PKD1L3: variants seen among roughly 807,000 people sequenced by gnomAD.
PKD1L3 encodes the protein polycystin 1 like 3, transient receptor potential channel interacting.
PKD1L3 carries 239 observed loss-of-function variants against 184.1 expected under a neutral mutation model. That is an observed-to-expected ratio of 1.30 (90% CI 1.17 to 1.45). The LOEUF is 1.45. Ranked by LOEUF, PKD1L3 falls within the 40% of genes most tolerant of loss-of-function variation. The pLI is 0.00. For missense variants in PKD1L3, 2,660 were observed against 2,067.2 expected (o/e 1.29, Z -5.56); for synonymous variants, 996 against 778.8 (o/e 1.28, Z -4.64).
At position 71,978,296 on chromosome 16, in the gene PKD1L3, G is replaced by T. The variant is rs891687629; in HGVS notation, c.1486C>A (p.Arg496Ser). Residue 496 changes from arginine to serine, a missense_variant, in exon 10 of 30, where the codon CGT becomes AGT. Transcript: ENST00000620267. ...SIGSVLLSANRKLLQVHDLME... is the reference protein window; with the variant it reads ...SIGSVLLSANSKLLQVHDLME... The stretch of plus-strand genomic sequence containing the variant: ...AAATCATGGACTTGGAGCAATTTAC[G>T]ATTAGCGCTTAGTAACACACTTCCA... 3 of 1,550,058 alleles carry T rather than the reference G, an allele frequency of 1.9e-6. No homozygotes were observed. The highest frequency in any genetic ancestry group is 2.0e-5 in the Admixed American group (1 of 50,878).
intron 6 of PKD1L3, among the ~76,000 whole-genome samples, 188 bp downstream of exon 6, chr16:71,983,848 G>T (rs1170625430): frequency 2.0e-5 from 3 of 150,748 alleles, no homozygotes; most frequent in Middle Eastern, 3.2e-3. Flanking sequence ...TTTTTCAGTA[G>T]AGACGGGTTT....
intron 5 of PKD1L3, among the ~76,000 whole-genome samples, chr16:71,985,944 G>C (rs535653219): frequency 3.1e-4 from 47 of 152,326 alleles, no homozygotes; most frequent in African/African-American, 1.1e-3. Context: ...CTAGAGGTTT[G>C]CTGCTGCTGA....
At chr16:71,940,705 A>C (rs1195887408) in intron 24 of PKD1L3, among the ~76,000 whole-genome samples, 1 of 151,996 alleles carries the variant, frequency 6.6e-6, no homozygotes, top group African/African-American at 2.4e-5. Context: ...TTGCCAAGTT[A>C]GCCAGGCTAG....
At chr16:71,991,306 G>T (rs2143849146) in intron 3 of PKD1L3, 1 of 227,390 alleles carries the variant, frequency 4.4e-6, no homozygotes, top group South Asian at 8.2e-5. Flanking sequence ...GAGAAGACAT[G>T]GCAAGAAACC....
At chr16:71,950,069 G>A (rs1490976783) in intron 20 of PKD1L3, 49 bp downstream of exon 20, 24 of 1,548,678 alleles carry the variant, frequency 1.5e-5, no homozygotes, top group Non-Finnish European at 2.0e-5. Flanking sequence ...CTGAGATAGA[G>A]GATGAGGAAG....
In PKD1L3 at chr16:71,984,045, C is replaced by G. The variant is rs1328540346; in HGVS notation, c.957G>C (p.Lys319Asn). ...KLTALTPRFS[K>N]PAQVNLINSL... ...GTCACCCTCCACTTACCTGAGCTGG[C>G]TTAGAAAATCTTGGGGTTAAGGCTG... Residue 319 changes from lysine (K) to asparagine (N), a missense_variant, in exon 6 of 30, where the codon AAG becomes AAC. Coordinates refer to ENST00000620267, the MANE Select transcript of PKD1L3 (RefSeq NM_181536.2). 1.3e-6 allele frequency: 2 copies of G among 1,552,096 alleles called. No homozygotes were observed. Among genetic ancestry groups the G allele is most frequent in the Non-Finnish European group, 8.7e-7 (1 of 1,146,972 alleles).
Position 71,961,067 on chromosome 16 carries a change from AT to A in PKD1L3, c.2612+2137del, listed in dbSNP as rs879297705. 1.3e-3 allele frequency among the ~76,000 whole-genome samples: 194 copies of A among 149,816 alleles called. 1 individual carries two copies. In the East Asian group the frequency reaches 0.014, roughly 11 times the overall value. On this transcript the variant is annotated intron_variant, in intron 16 of 29. Transcript: ENST00000620267. ...GTTTGTTTTTTAGAGACAGGATCTC[AT>A]TTTTTTTTTCCCACTTCTTGCTGAG...
In PKD1L3 at chr16:71,949,781, A is replaced by G. The variant is rs1342884166; in HGVS notation, c.3618+2T>C. ...CAATGGTTCTTCCCATCCCTCACATACCTTTACTGGCTGGCTGATGAAGAT... is the reference window on the plus strand; with the variant it reads ...CAATGGTTCTTCCCATCCCTCACATGCCTTTACTGGCTGGCTGATGAAGAT... On this transcript the variant is annotated splice_donor_variant, in intron 21 of 29. Transcript: ENST00000620267. LOFTEE classifies it high-confidence loss of function. The G allele has an allele frequency of 6.5e-7, 1 of 1,548,784 alleles. No individual in the cohort carries two copies. The highest frequency in any genetic ancestry group is 8.7e-7 in the Non-Finnish European group (1 of 1,145,594).
At chr16:71,982,671 A>G (rs1435422682) in intron 6 of PKD1L3, among the ~76,000 whole-genome samples, 2 of 152,112 alleles carry the variant, frequency 1.3e-5, no homozygotes, top group African/African-American at 2.4e-5. Flanking sequence ...ATCATGCCTC[A>G]CTGCAGCCTC....
chr16:71,974,594 G>C (rs1408609257), intron 11 of PKD1L3, among the ~76,000 whole-genome samples: 1 of 152,212 alleles, frequency 6.6e-6, no homozygotes, highest in Non-Finnish European at 1.5e-5. Context: ...TGAGGCATGA[G>C]AATCGCTTGA....
chr16:71,979,573 C>G (rs1178038432), intron 9 of PKD1L3, among the ~76,000 whole-genome samples: 1 of 152,126 alleles, frequency 6.6e-6, no homozygotes, highest in Non-Finnish European at 1.5e-5. Context: ...TAGTTAAATC[C>G]AGAAATCTGT....
At chr16:71,954,062 G>T (rs780750340) in intron 17 of PKD1L3, 43 bp downstream of exon 17, 4 of 1,271,766 alleles carry the variant, frequency 3.1e-6, no homozygotes, top group East Asian at 5.7e-5. Context: ...AAAAAAAAAA[G>T]GATTGCTTAC....
intron 9 of PKD1L3, among the ~76,000 whole-genome samples, chr16:71,979,521 C>A (rs535374219): frequency 9.2e-5 from 14 of 152,198 alleles, no homozygotes; most frequent in African/African-American, 3.1e-4. Flanking sequence ...CAACAAAAAA[C>A]AAACTGCAGA....
In PKD1L3 at chr16:71,929,762, A is replaced by T. The variant is rs574381360; in HGVS notation, c.5059-84T>A. On this transcript the variant is annotated intron_variant, in intron 29 of 29. Coordinates refer to ENST00000620267, the MANE Select transcript of PKD1L3 (RefSeq NM_181536.2). ...AGTAAAAAAAGTACCAAAGATTTTTAAAAAATTAGTAAATGTAAAGATACT... is the reference window on the plus strand; with the variant it reads ...AGTAAAAAAAGTACCAAAGATTTTTTAAAAATTAGTAAATGTAAAGATACT... 1.3e-4 allele frequency: 171 copies of T among 1,273,972 alleles called. 1 individual carries two copies. The highest frequency in any genetic ancestry group is 4.3e-4 in the African/African-American group (28 of 65,826). The allele number at this position is 1,273,972 out of a possible 1,614,324, so 78.9% of individuals were successfully genotyped here. A position where few individuals can be genotyped will look rare whatever the true frequency, so the allele number is the denominator to read the frequency against.
intron 16 of PKD1L3, among the ~76,000 whole-genome samples, chr16:71,955,361 C>G (rs964007872): frequency 6.6e-6 from 1 of 151,770 alleles, no homozygotes; most frequent in African/African-American, 2.4e-5. Context: ...TAATGGGACC[C>G]AGGAGGCAGA....
intron 11 of PKD1L3, among the ~76,000 whole-genome samples, chr16:71,975,102 C>G: frequency 6.6e-6 from 1 of 152,114 alleles, no homozygotes; most frequent in Non-Finnish European, 1.5e-5. Context: ...GTCACCCAGG[C>G]TGGAGTGCAG....
intron 4 of PKD1L3, among the ~76,000 whole-genome samples, chr16:71,987,973 C>G (rs1237043856): frequency 9.9e-5 from 15 of 152,070 alleles, no homozygotes; most frequent in Admixed American, 9.2e-4. Context: ...AATAAGATCC[C>G]AGGGCCAGGG....
intron 3 of PKD1L3, among the ~76,000 whole-genome samples, chr16:71,991,456 G>A (rs1297147649): frequency 1.3e-5 from 2 of 152,044 alleles, no homozygotes; most frequent in Non-Finnish European, 2.9e-5. Context: ...ATTTCAAGAT[G>A]ACAAAAAAAA....
intron 16 of PKD1L3, among the ~76,000 whole-genome samples, chr16:71,962,241 C>T (rs2039309470): frequency 6.6e-6 from 1 of 151,944 alleles, no homozygotes; most frequent in South Asian, 2.1e-4. Context: ...GGTGTGTGGG[C>T]CTCTTGCAAT....
Sources: gnomAD v4.1 joint callset for allele counts (sites outside exome capture counted in the v4.1 genomes callset) on GRCh38, gnomAD v4.1.1 for gene constraint, MANE v1.5 for transcripts, NCBI Gene and HGNC (gene_info 2026-07-23, HGNC 2026-07-21) for gene names.